ATP10A: variants seen among roughly 807,000 people sequenced by gnomAD.
The protein encoded by ATP10A is phospholipid-transporting ATPase VA.
ATP10A carries 111 observed loss-of-function variants against 147.8 expected under a neutral mutation model. The ratio of observed to expected loss-of-function variants is 0.75; its 90% confidence interval spans 0.64 to 0.88. ATP10A has a LOEUF of 0.88. Among genes scored for constraint, ATP10A ranks in the 40% least tolerant of loss-of-function variants. ATP10A has a pLI of 0.00. For synonymous variants in ATP10A, 875 were observed against 841.6 expected, an observed-to-expected ratio of 1.04 and a Z score of -0.69; for missense variants, 1,927 against 1,959.0, an observed-to-expected ratio of 0.98 and a Z score of 0.31.
intron 4 of ATP10A, 76 bp downstream of exon 4, chr15:25,727,084 A>G: frequency 8.5e-7 from 1 of 1,178,810 alleles, no homozygotes; most frequent in Non-Finnish European, 1.2e-6. Flanking sequence ...AGAAAAAAGA[A>G]AAGAAAACAG....
intron 1 of ATP10A, among the ~76,000 whole-genome samples, chr15:25,799,742 A>G (rs1301024200): frequency 6.6e-6 from 1 of 152,130 alleles, no homozygotes; most frequent in Non-Finnish European, 1.5e-5. Context: ...CAAAATAAAT[A>G]AATAGAAGTA....
intron 5 of ATP10A, among the ~76,000 whole-genome samples, chr15:25,724,447 A>G (rs1902426437): frequency 6.6e-6 from 1 of 152,192 alleles, no homozygotes. Flanking sequence ...CAATTCACAT[A>G]TGGGAGGCTC....
intron 1 of ATP10A, among the ~76,000 whole-genome samples, chr15:25,785,621 A>G (rs964604984): frequency 6.6e-6 from 1 of 152,208 alleles, no homozygotes; most frequent in African/African-American, 2.4e-5. Context: ...TCACCCTGCA[A>G]TTTATCCCCA....
chr15:25,720,447 G>A (rs1362341831), intron 7 of ATP10A, among the ~76,000 whole-genome samples: 1 of 152,180 alleles, frequency 6.6e-6, no homozygotes, highest in Non-Finnish European at 1.5e-5. Flanking sequence ...TCGGCTTTAA[G>A]GGCTGCTGTA....
At chr15:25,673,161 A>C (rs1480318214), downstream of ATP10A, among the ~76,000 whole-genome samples, 1 of 152,122 alleles carries the variant, frequency 6.6e-6, no homozygotes, top group African/African-American at 2.4e-5. Flanking sequence ...GATGAACTGG[A>C]ATCTCATTCC....
chr15:25,754,098 A>T (rs763900668), intron 2 of ATP10A, among the ~76,000 whole-genome samples: 2 of 151,976 alleles, frequency 1.3e-5, no homozygotes, highest in Non-Finnish European at 2.9e-5. Flanking sequence ...CTGTGCATTC[A>T]TGTGCTGCGG....
At chr15:25,736,267 ATCTC>A (rs1567344544) in intron 2 of ATP10A, 126 bp from the exon 3 acceptor site, 1 of 729,276 alleles carries the variant, frequency 1.4e-6, no homozygotes, top group Non-Finnish European at 2.4e-6. Context: ...CTGCCTATGA[ATCTC>A]TCTGGAAAGC....
intron 2 of ATP10A, among the ~76,000 whole-genome samples, chr15:25,741,074 G>T (rs978307357): frequency 1.3e-5 from 2 of 152,210 alleles, no homozygotes; most frequent in Non-Finnish European, 2.9e-5. Context: ...GGGTAGGCAG[G>T]TGCCACAGCT....
chr15:25,774,457 C>T (rs1056531870), intron 2 of ATP10A, among the ~76,000 whole-genome samples: 11 of 152,018 alleles, frequency 7.2e-5, no homozygotes, highest in African/African-American at 2.7e-4. Context: ...GCCTGTAATC[C>T]CAGCTACTTG....
At chr15:25,714,721 G>A (rs913473880) in intron 9 of ATP10A, among the ~76,000 whole-genome samples, 30 of 152,170 alleles carry the variant, frequency 2.0e-4, no homozygotes, top group Admixed American at 1.5e-3. Context: ...AAACAGCTCA[G>A]GGGAGCAGGC....
At chr15:25,756,646 TA>T (rs55927012) in intron 2 of ATP10A, among the ~76,000 whole-genome samples, 116,345 of 151,184 alleles carry the variant, frequency 0.77, 45,034 homozygotes, top group Non-Finnish European at 0.82. Context: ...CCATCTCAAA[TA>T]AAAAAAAAGA....
intron 1 of ATP10A, among the ~76,000 whole-genome samples, chr15:25,829,898 G>A (rs1426645638): frequency 6.6e-6 from 1 of 152,214 alleles, no homozygotes; most frequent in Non-Finnish European, 1.5e-5. Flanking sequence ...AAGACAGTGA[G>A]GCTTCCAAGA....
At chr15:25,813,876 A>G (rs1268903654) in intron 1 of ATP10A, among the ~76,000 whole-genome samples, 1 of 152,142 alleles carries the variant, frequency 6.6e-6, no homozygotes, top group Non-Finnish European at 1.5e-5. Flanking sequence ...TAAGGAAATG[A>G]AAAGTACATC....
chr15:25,793,748 A>G (rs745785704), intron 1 of ATP10A, among the ~76,000 whole-genome samples: 8 of 152,166 alleles, frequency 5.3e-5, no homozygotes, highest in Non-Finnish European at 1.2e-4. Context: ...ACTTCCCCCA[A>G]TCCTCCCTCA....
intron 3 of ATP10A, 89 bp from the exon 4 acceptor site, chr15:25,727,355 A>C: frequency 8.4e-7 from 1 of 1,187,968 alleles, no homozygotes; most frequent in Non-Finnish European, 1.2e-6. Context: ...GAAGGCCCTG[A>C]CACAATGAAA....
intron 3 of ATP10A, among the ~76,000 whole-genome samples, chr15:25,735,068 G>C (rs1887195952): frequency 6.6e-6 from 1 of 152,026 alleles, no homozygotes; most frequent in Non-Finnish European, 1.5e-5. Flanking sequence ...GGGCCATTCA[G>C]CGGCTGCAGG....
At chr15:25,856,973 A>AG (rs1893545485) in intron 1 of ATP10A, among the ~76,000 whole-genome samples, 1 of 152,208 alleles carries the variant, frequency 6.6e-6, no homozygotes, top group African/African-American at 2.4e-5. Context: ...AGGGAAAAAA[A>AG]GAAAGAGAAT....
At chr15:25,715,790 C>T (rs900286461) in intron 9 of ATP10A, among the ~76,000 whole-genome samples, 1 of 152,166 alleles carries the variant, frequency 6.6e-6, no homozygotes, top group African/African-American at 2.4e-5. Flanking sequence ...ACATCGCCTG[C>T]GGAGGGACCT....
intron 13 of ATP10A, among the ~76,000 whole-genome samples, chr15:25,700,001 G>A (rs1295747588): frequency 2.6e-5 from 4 of 151,984 alleles, no homozygotes; most frequent in African/African-American, 9.7e-5. Context: ...AGCCCACAAA[G>A]GACTTACATA....
Sources: allele counts gnomAD v4.1 joint callset (sites outside exome capture counted in the v4.1 genomes callset), GRCh38; gene constraint gnomAD v4.1.1; transcripts MANE v1.5; gene names NCBI Gene and HGNC (gene_info 2026-07-23, HGNC 2026-07-21).